PODNL1: variants seen among roughly 807,000 people sequenced by gnomAD.
The protein encoded by PODNL1 is podocan-like protein 1.
In PODNL1, 50 loss-of-function variants were observed where a neutral mutation model predicts 45.1. That is an observed-to-expected ratio of 1.11 (90% CI 0.88 to 1.40). PODNL1 has a LOEUF of 1.40. Ranked by LOEUF, PODNL1 falls within the 40% of genes most tolerant of loss-of-function variation. The pLI is 0.00. For synonymous variants in PODNL1, 406 were observed against 372.5 expected, an observed-to-expected ratio of 1.09 and a Z score of -1.04; for missense variants, 788 against 793.3, an observed-to-expected ratio of 0.99 and a Z score of 0.08.
intron 5 of PODNL1, among the ~76,000 whole-genome samples, chr19:13,935,122 G>A (rs987311487): frequency 6.6e-6 from 1 of 151,436 alleles, no homozygotes; most frequent in Non-Finnish European, 1.5e-5. Flanking sequence ...GTGTGTGCAG[G>A]TGTGTATGTG....
At chr19:13,939,694 G>A (rs2145447538), upstream of PODNL1, among the ~76,000 whole-genome samples, 1 of 151,748 alleles carries the variant, frequency 6.6e-6, no homozygotes, top group South Asian at 2.1e-4. Flanking sequence ...CCAGAGCATC[G>A]AGCCCAACAT....
Position 13,936,475 on chromosome 19 carries a change from T to A in PODNL1, c.226-15A>T, listed in dbSNP as rs1391290986. ...AGCTGGTTGTTCTGCAGGGTGAGAG[T>A]TGGGGTGTTCACACCCGTGACCCCG... On this transcript the variant is annotated splice_polypyrimidine_tract_variant and intron_variant, in intron 2 of 9. Transcript: ENST00000588872. The A allele has an allele frequency of 6.2e-7, 1 of 1,603,940 alleles. No homozygotes were observed. Among genetic ancestry groups the A allele is most frequent in the Admixed American group, 1.7e-5 (1 of 59,886 alleles).
intron 4 of PODNL1, 73 bp from the exon 5 acceptor site, chr19:13,935,903 C>A: frequency 6.5e-7 from 1 of 1,539,982 alleles, no homozygotes; most frequent in Admixed American, 2.0e-5. Context: ...GCAGAGCTGT[C>A]CCCTCCACAC....
At chr19:13,951,451 C>T (rs539763336) in intron 1 of PODNL1, among the ~76,000 whole-genome samples, 3 of 151,998 alleles carry the variant, frequency 2.0e-5, no homozygotes, top group Admixed American at 2.0e-4. Context: ...GCCTGGACAA[C>T]TTGGTGAAAC....
chr19:13,950,070 G>A (rs1972948484), intron 1 of PODNL1, among the ~76,000 whole-genome samples: 3 of 145,850 alleles, frequency 2.1e-5, no homozygotes, highest in Admixed American at 1.5e-4. Context: ...GGGTTTCACT[G>A]TGTTAGCCAG....
intron 1 of PODNL1, among the ~76,000 whole-genome samples, chr19:13,944,365 G>A (rs867212886): frequency 2.0e-5 from 3 of 151,020 alleles, no homozygotes; most frequent in African/African-American, 7.3e-5. Flanking sequence ...GGGTTTCACC[G>A]TGTTAGCCAG....
rs367633255 is a variant in PODNL1, at chr19:13,932,931, C to G, written c.1292G>C (p.Arg431Pro). The G allele has an allele frequency of 1.3e-6, 2 of 1,571,134 alleles. No homozygotes were observed. Among genetic ancestry groups the G allele is most frequent in the Non-Finnish European group, 1.7e-6 (2 of 1,161,660 alleles). Residue 431 changes from arginine (R) to proline (P), a missense_variant, in exon 8 of 10, where the codon CGC (arginine) becomes CCC (proline). Physicochemically the swap from Arg to Pro is moderately radical, Grantham distance 103 (BLOSUM62 -2). This residue lies in a region of PODNL1 where 762 missense variants were observed against 750.9 expected (regional missense o/e 1.01). Coordinates refer to ENST00000588872, the MANE Select transcript of PODNL1 (RefSeq NM_001370095.3). The stretch of plus-strand genomic sequence containing the variant: ...GGGCTCGAGCATCCGCAGCTGGTTG[C>G]GTTGCAGCTGCAGGGTGCGCAGGCC... ...PTGLRTLQLQ[R>P]NQLRMLEPEP...
At position 13,931,788 on chromosome 19, in the gene PODNL1, C is replaced by G; in HGVS notation, c.1674G>C (p.Leu558=). ...VDTAGNPEQV[L]IRLPPTTPRG... is the part of the protein sequence containing the mutation. ...GTGGGGTGGTGGGAGGCAGCCGGAT[C>G]AGGACCTGCTCCGGATTCCCTGCCG... Residue 558 remains leucine (L), a synonymous_variant, in exon 10 of 10, where the codon CTG becomes CTC. Coordinates refer to ENST00000588872, the MANE Select transcript of PODNL1 (RefSeq NM_001370095.3). 8.1e-7 allele frequency: 1 copy of G among 1,231,864 alleles called. No individual in the cohort carries two copies. The highest frequency in any genetic ancestry group is 3.2e-5 in the East Asian group (1 of 31,692). 76.3% of individuals were successfully genotyped at this position (1,231,864 alleles called of 1,614,324 possible). A position where few individuals can be genotyped will look rare whatever the true frequency, so the allele number is the denominator to read the frequency against.
intron 5 of PODNL1, 88 bp from the exon 6 acceptor site, chr19:13,934,498 A>T (rs1052832713): frequency 9.2e-6 from 9 of 980,260 alleles, no homozygotes; most frequent in South Asian, 6.5e-5. Flanking sequence ...GGTCGCCTTC[A>T]GTGTGTGTGT....
chr19:13,943,623 G>A (rs1009692278), intron 1 of PODNL1, among the ~76,000 whole-genome samples: 3 of 152,016 alleles, frequency 2.0e-5, no homozygotes, highest in African/African-American at 7.3e-5. Context: ...CACCACGCCC[G>A]GCTAATTTTT....
chr19:13,933,944 TGA>T lies in PODNL1; in HGVS notation c.699_700del (p.Gln234ThrfsTer3). The stretch of plus-strand genomic sequence containing the variant: ...GTGCTGGAGGTAGAGCTCACGGAGT[TGA>T]GTCTGGCGGCTCAGGGCTCCTCGGG... On this transcript the variant is annotated frameshift_variant, in exon 7 of 10. Coordinates refer to ENST00000588872, the MANE Select transcript of PODNL1 (RefSeq NM_001370095.3). LOFTEE classifies it high-confidence loss of function. The surrounding 1 kb of genome is among the most constrained non-coding windows in gnomAD (Gnocchi z 5.2). 1 of 1,612,736 alleles carries T rather than the reference TGA, an allele frequency of 6.2e-7. No homozygotes were observed. Among genetic ancestry groups the T allele is most frequent in the Admixed American group, 1.7e-5 (1 of 59,830 alleles).
chr19:13,949,609 C>T (rs1373080666), intron 1 of PODNL1: 1 of 152,156 alleles, frequency 6.6e-6, no homozygotes, highest in Non-Finnish European at 1.5e-5. Flanking sequence ...TGTGCCCAGC[C>T]TGAAATTAGA....
rs1345379918 is a variant in PODNL1, at chr19:13,931,866, C to T, written c.1596G>A (p.Thr532=). The change falls in exon 10 of 10, where the codon ACG becomes ACA. Residue 532 remains threonine, a synonymous_variant. Transcript: ENST00000588872. ...LFLRANRLHM[T]SIAAEAFLGL... ...CCAGGAAGGCCTCAGCCGCGATGCTCGTCATGTGAAGCCTGTTGGCCCTGC... is the reference window on the plus strand; with the variant it reads ...CCAGGAAGGCCTCAGCCGCGATGCTTGTCATGTGAAGCCTGTTGGCCCTGC... 5.7e-6 allele frequency: 7 copies of T among 1,231,900 alleles called. No individual in the cohort carries two copies. Among genetic ancestry groups the T allele is most frequent in the Admixed American group, 8.4e-5 (2 of 23,712 alleles). The allele number at this position is 1,231,900 out of a possible 1,614,324, so 76.3% of individuals were successfully genotyped here. A position where few individuals can be genotyped will look rare whatever the true frequency, so the allele number is the denominator to read the frequency against.
chr19:13,948,401 C>T (rs765886406), intron 1 of PODNL1, among the ~76,000 whole-genome samples: 16 of 144,976 alleles, frequency 1.1e-4, no homozygotes, highest in African/African-American at 3.6e-4. Flanking sequence ...TTAGTAGAGA[C>T]GGGGTTTCAC....
Position 13,936,045 on chromosome 19 carries a change from C to G in PODNL1, c.320-1G>C. Reference sequence around the variant, plus strand: ...GACTCGAAGGCCTCGTCAGGCAGGCCTGGGAGAGTAGGGGGGCAGTGAAGG... The same window carrying G: ...GACTCGAAGGCCTCGTCAGGCAGGCGTGGGAGAGTAGGGGGGCAGTGAAGG... On this transcript the variant is annotated splice_acceptor_variant, in intron 3 of 9. Coordinates refer to ENST00000588872, the MANE Select transcript of PODNL1 (RefSeq NM_001370095.3). LOFTEE classifies it high-confidence loss of function. The G allele has an allele frequency of 6.5e-7, 1 of 1,549,840 alleles. No homozygotes were observed.
At chr19:13,942,818 T>C (rs1028928673), upstream of PODNL1, among the ~76,000 whole-genome samples, 2 of 150,948 alleles carry the variant, frequency 1.3e-5, no homozygotes, top group African/African-American at 4.9e-5. Flanking sequence ...ACCCCATGTC[T>C]ACTAAAAAAT....
At chr19:13,938,107 T>G (rs560560306) in intron 1 of PODNL1, 72 bp downstream of exon 1, 8 of 1,497,444 alleles carry the variant, frequency 5.3e-6, no homozygotes, top group Non-Finnish European at 6.3e-6. Context: ...GGGGAGGCAG[T>G]GGCCAGTTGG....
chr19:13,948,494 G>A (rs1972897828), intron 1 of PODNL1, among the ~76,000 whole-genome samples: 1 of 149,732 alleles, frequency 6.7e-6, no homozygotes, highest in Non-Finnish European at 1.5e-5. Flanking sequence ...TTACAGGTGT[G>A]AGCCACCATG....
At position 13,952,641 on chromosome 19, in the gene PODNL1, C is replaced by G. The variant is rs938758982; in HGVS notation, c.18+478G>C. 5 of 1,275,324 alleles carry G rather than the reference C, an allele frequency of 3.9e-6. No individual in the cohort carries two copies. In the African/African-American group the frequency reaches 6.4e-5, roughly 16 times the overall value. 79.0% of individuals were successfully genotyped at this position (1,275,324 alleles called of 1,614,324 possible). ...ACGTCCTCAAGCAGCTGGAGCGGGT[C>G]AAGGTGAGGCCTGGAGCCGGAGTGG... On this transcript the variant is annotated intron_variant, in intron 1 of 7. Transcript: ENST00000538371.
Sources: gnomAD v4.1 joint callset for allele counts (sites outside exome capture counted in the v4.1 genomes callset) on GRCh38, gnomAD v4.1.1 for gene constraint, gnomAD v4.1.1 regional missense constraint, Gnocchi (gnomAD v3.1) non-coding constraint, MANE v1.5 for transcripts, NCBI Gene and HGNC (gene_info 2026-07-23, HGNC 2026-07-21) for gene names.